The following TANGO6 variants were observed in gnomAD, a reference collection of about 807,000 sequenced individuals.
TANGO6 encodes the protein transport and Golgi organization protein 6 homolog.
TANGO6 carries 90 observed loss-of-function variants against 114.2 expected under a neutral mutation model. The observed-to-expected ratio is 0.79, with a 90% CI of 0.66 to 0.94. The LOEUF is 0.94. Ranked by LOEUF, TANGO6 falls within the 40% of genes least tolerant of loss-of-function variation. The pLI, the probability that TANGO6 is intolerant of heterozygous loss-of-function variation, is 0.00. For missense variants in TANGO6, 1,274 were observed against 1,315.3 expected, an observed-to-expected ratio of 0.97 and a Z score of 0.49; for synonymous variants, 477 against 509.8, an observed-to-expected ratio of 0.94 and a Z score of 0.87.
intron 12 of TANGO6, among the ~76,000 whole-genome samples, chr16:68,923,519 T>C (rs1963125226): frequency 6.6e-6 from 1 of 152,170 alleles, no homozygotes; most frequent in Non-Finnish European, 1.5e-5. Context: ...TACAATGCTG[T>C]CCTTTCTCTT....
intron 15 of TANGO6, among the ~76,000 whole-genome samples, chr16:68,983,894 G>T (rs892579245): frequency 6.6e-6 from 1 of 152,052 alleles, no homozygotes; most frequent in African/African-American, 2.4e-5. Flanking sequence ...TTAGCCAGTC[G>T]TGTTGGCGGG....
chr16:68,934,936 C>A (rs1223120327), intron 14 of TANGO6, among the ~76,000 whole-genome samples: 1 of 152,120 alleles, frequency 6.6e-6, no homozygotes, highest in Non-Finnish European at 1.5e-5. Flanking sequence ...GTGTGCAAAT[C>A]AGTTACTAGC....
intron 11 of TANGO6, among the ~76,000 whole-genome samples, chr16:68,910,118 G>T (rs1962902742): frequency 6.6e-6 from 1 of 152,190 alleles, no homozygotes; most frequent in Non-Finnish European, 1.5e-5. Context: ...GTTGTAGCTT[G>T]GTTGGTCAAT....
At chr16:68,973,042 A>T in intron 14 of TANGO6, 1 of 447,604 alleles carries the variant, frequency 2.2e-6, no homozygotes, top group Non-Finnish European at 4.5e-6. Flanking sequence ...GACTGCTCAT[A>T]TTCAGGGAAG....
chr16:68,966,245 C>T (rs1007658622), intron 14 of TANGO6, among the ~76,000 whole-genome samples: 2 of 151,382 alleles, frequency 1.3e-5, no homozygotes, highest in Non-Finnish European at 2.9e-5. Context: ...AAAATGAGGC[C>T]GGCTGCAGTG....
In TANGO6 at chr16:68,907,361, T is replaced by G. The variant is rs1462749474; in HGVS notation, c.1668-82T>G. Reference sequence around the variant, plus strand: ...GGTTAACTGTTTGGACATAACATGTTACTTTAGAAGATTGTTATGGGGTTT... The same window carrying G: ...GGTTAACTGTTTGGACATAACATGTGACTTTAGAAGATTGTTATGGGGTTT... On this transcript the variant is annotated intron_variant, in intron 9 of 17. Transcript: ENST00000261778. 5 of 1,395,520 alleles carry G rather than the reference T, an allele frequency of 3.6e-6. No individual in the cohort carries two copies. In the African/African-American group the frequency reaches 7.3e-5, roughly 20 times the overall value. The allele number at this position is 1,395,520 out of a possible 1,614,324, so 86.4% of individuals were successfully genotyped here. A position where few individuals can be genotyped will look rare whatever the true frequency, so the allele number is the denominator to read the frequency against.
At chr16:68,859,768 C>A in intron 1 of TANGO6, 116 bp from the exon 2 acceptor site, 1 of 1,222,206 alleles carries the variant, frequency 8.2e-7, no homozygotes, top group Non-Finnish European at 1.1e-6. Flanking sequence ...TTTCCAGAGC[C>A]AGTGACAGTG....
intron 15 of TANGO6, among the ~76,000 whole-genome samples, chr16:69,008,483 G>T (rs977498728): frequency 6.6e-6 from 1 of 152,132 alleles, no homozygotes; most frequent in East Asian, 1.9e-4. Context: ...TGGGCCTCAA[G>T]CAATCCTCCC....
In TANGO6 at chr16:69,045,006, A is replaced by G. The variant is rs144683325; in HGVS notation, c.3108+4585A>G. Among the ~76,000 whole-genome samples, 596 of 152,154 alleles carry G rather than the reference A, an allele frequency of 3.9e-3. 3 individuals carry two copies. Among genetic ancestry groups the G allele is most frequent in the Non-Finnish European group, 6.0e-3 (411 of 68,008 alleles). On this transcript the variant is annotated intron_variant, in intron 17 of 17. Transcript: ENST00000261778. ...GAAACCCTGTCTTTACTAAAAATAC[A>G]AAAGAATTAGGTGGATTTGGTGGCA...
chr16:69,027,959 T>C (rs1168636938), intron 16 of TANGO6, among the ~76,000 whole-genome samples: 4 of 152,050 alleles, frequency 2.6e-5, no homozygotes. Flanking sequence ...ATTTGTAATT[T>C]TTTTTCTTTT....
chr16:68,910,166 C>T lies in TANGO6; in HGVS notation c.1992+764C>T, dbSNP rs1277723721. Reference sequence around the variant, plus strand: ...GATGGCATGATTGTCACGCTTAAATCTGATTCTCCAGCTCTTTGTATGGTC... The same window carrying T: ...GATGGCATGATTGTCACGCTTAAATTTGATTCTCCAGCTCTTTGTATGGTC... On this transcript the variant is annotated intron_variant, in intron 11 of 17. Coordinates refer to ENST00000261778, the MANE Select transcript of TANGO6 (RefSeq NM_024562.2). 2.0e-5 allele frequency among the ~76,000 whole-genome samples: 3 copies of T among 152,222 alleles called. No individual in the cohort carries two copies. In the East Asian group the frequency reaches 5.8e-4, roughly 29 times the overall value.
chr16:68,856,330 T>C (rs1596989692), intron 1 of TANGO6, among the ~76,000 whole-genome samples: 1 of 152,248 alleles, frequency 6.6e-6, no homozygotes, highest in African/African-American at 2.4e-5. Flanking sequence ...ATGCTTTTTC[T>C]GCGTTTGTTG....
At position 68,987,817 on chromosome 16, in the gene TANGO6, T is replaced by G. The variant is rs900163437; in HGVS notation, c.2842+13649T>G. ...CAAAGTGAATGGATGAAGAAAGTCC[T>G]TTGATATTATTTTGTTGTTTGTCCT... is the stretch of plus-strand genomic sequence containing the variant. On this transcript the variant is annotated intron_variant, in intron 15 of 17. Coordinates refer to ENST00000261778, the MANE Select transcript of TANGO6 (RefSeq NM_024562.2). 2.0e-5 allele frequency among the ~76,000 whole-genome samples: 3 copies of G among 152,354 alleles called. No homozygotes were observed. In the South Asian group the frequency reaches 6.2e-4, roughly 32 times the overall value.
At chr16:68,866,954 T>G in intron 3 of TANGO6, 125 bp from the exon 4 acceptor site, 1 of 948,584 alleles carries the variant, frequency 1.1e-6, no homozygotes. Flanking sequence ...TAAATAAGTC[T>G]GCATATCATA....
chr16:69,024,248 A>G (rs955418686), intron 16 of TANGO6, among the ~76,000 whole-genome samples: 2 of 146,962 alleles, frequency 1.4e-5, no homozygotes, highest in Non-Finnish European at 3.0e-5. Context: ...CCTGGCCTCT[A>G]TGAGTGTCTT....
At position 69,048,051 on chromosome 16, in the gene TANGO6, G is replaced by A. The variant is rs550487187; in HGVS notation, c.3108+7630G>A. ...CTTCAAAAACAAGCCAAACCTGGAA[G>A]CATCTTTAGAAGAGTTTGGGAGTTT... On this transcript the variant is annotated intron_variant, in intron 17 of 17. Transcript: ENST00000261778. Among the ~76,000 whole-genome samples, 7 of 152,016 alleles carry A rather than the reference G, an allele frequency of 4.6e-5. No homozygotes were observed. The East Asian group carries it at 1.4e-3, about 29-fold the overall frequency.
intron 17 of TANGO6, among the ~76,000 whole-genome samples, chr16:69,056,018 A>G (rs1474376688): frequency 6.6e-6 from 1 of 152,086 alleles, no homozygotes; most frequent in Non-Finnish European, 1.5e-5. Context: ...CACCCTGGGC[A>G]ACAAGAGCAA....
intron 9 of TANGO6, among the ~76,000 whole-genome samples, chr16:68,905,039 A>G (rs1257798144): frequency 6.6e-6 from 1 of 152,150 alleles, no homozygotes; most frequent in Non-Finnish European, 1.5e-5. Flanking sequence ...CCTGACCAAC[A>G]TGGAGAAACC....
Position 68,915,994 on chromosome 16 carries a change from G to T in TANGO6, c.1993-3091G>T, listed in dbSNP as rs77436700. Among the ~76,000 whole-genome samples the T allele has an allele frequency of 2.0e-3, 312 of 152,198 alleles. 1 individual carries two copies. The highest frequency in any genetic ancestry group is 7.2e-3 in the African/African-American group (299 of 41,522). On this transcript the variant is annotated intron_variant, in intron 11 of 17. Transcript: ENST00000261778. ...TGTGTGTGTGCATGCATGTGTATTT[G>T]TGTGCTGTCATTTATTCAAAGGTGT...
Sources: gnomAD v4.1 joint callset for allele counts (sites outside exome capture counted in the v4.1 genomes callset) on GRCh38, gnomAD v4.1.1 for gene constraint, MANE v1.5 for transcripts, NCBI Gene and HGNC (gene_info 2026-07-23, HGNC 2026-07-21) for gene names.